The following LDB2 variants were observed in gnomAD, a reference collection of about 807,000 sequenced individuals.
The protein encoded by LDB2 is LIM domain binding 2, also known as LIM domain-binding protein 2.
Under a neutral mutation model 44.3 loss-of-function variants are expected in LDB2, and 12 were observed. The observed-to-expected ratio is 0.27, with a 90% CI of 0.17 to 0.44. LDB2 has a LOEUF of 0.44. LDB2 is among the 20% of genes least tolerant of loss of function. The pLI is 1.00. For missense variants in LDB2, 344 were observed against 473.5 expected, an observed-to-expected ratio of 0.73 and a Z score of 2.54; for synonymous variants, 164 against 174.8, an observed-to-expected ratio of 0.94 and a Z score of 0.49.
chr4:16,708,868 G>T (rs1013382879), intron 2 of LDB2, among the ~76,000 whole-genome samples: 3 of 151,966 alleles, frequency 2.0e-5, no homozygotes, highest in African/African-American at 7.2e-5. Flanking sequence ...CAACACATTG[G>T]CTTTTATTGA....
intron 1 of LDB2, among the ~76,000 whole-genome samples, chr4:16,797,486 TA>T (rs946900364): frequency 1.1e-4 from 17 of 151,970 alleles, no homozygotes; most frequent in African/African-American, 3.9e-4. Context: ...AAAGTCTACT[TA>T]AAAAAAATAA....
chr4:16,883,641 T>A (rs1353715997), intron 1 of LDB2, among the ~76,000 whole-genome samples: 2 of 152,218 alleles, frequency 1.3e-5, no homozygotes, highest in Admixed American at 1.3e-4. Flanking sequence ...TTTCACCGCT[T>A]CTTGCCTTTT....
intron 5 of LDB2, among the ~76,000 whole-genome samples, chr4:16,523,996 T>C (rs1727272763): frequency 6.6e-6 from 1 of 152,194 alleles, no homozygotes; most frequent in African/African-American, 2.4e-5. Context: ...AGGGCTGGGC[T>C]GTATCCTGTG....
At chr4:16,679,978 T>C (rs1388324187) in intron 2 of LDB2, among the ~76,000 whole-genome samples, 1 of 152,196 alleles carries the variant, frequency 6.6e-6, no homozygotes, top group South Asian at 2.1e-4. Context: ...CTGCTATAGA[T>C]GGAATCTTTA....
chr4:16,743,952 C>T (rs73799262), intron 2 of LDB2, among the ~76,000 whole-genome samples: 95 of 152,282 alleles, frequency 6.2e-4, no homozygotes, highest in African/African-American at 2.2e-3. Context: ...AGATTGTCTC[C>T]AATTTTTTAC....
chr4:16,811,400 C>G (rs930696842), intron 1 of LDB2, among the ~76,000 whole-genome samples: 6 of 152,150 alleles, frequency 3.9e-5, no homozygotes, highest in African/African-American at 1.4e-4. Context: ...ATAGAACCAC[C>G]TTTGAATTAT....
chr4:16,748,785 T>A (rs1248423506), intron 2 of LDB2, among the ~76,000 whole-genome samples: 1 of 152,158 alleles, frequency 6.6e-6, no homozygotes, highest in South Asian at 2.1e-4. Flanking sequence ...GTTTAAAAAA[T>A]AGTAATAATG....
chr4:16,851,943 T>C (rs1788348177), intron 1 of LDB2, among the ~76,000 whole-genome samples: 1 of 152,224 alleles, frequency 6.6e-6, no homozygotes, highest in African/African-American at 2.4e-5. Context: ...TGGAGATTAA[T>C]GGCTGCCCAG....
At chr4:16,759,119 A>C (rs940199609) in intron 2 of LDB2, 39 bp downstream of exon 2, 10 of 1,448,642 alleles carry the variant, frequency 6.9e-6, no homozygotes, top group Non-Finnish European at 9.7e-6. Flanking sequence ...TTACAGGCAC[A>C]AAACGAGGTA....
chr4:16,887,259 G>C (rs1228225426), intron 1 of LDB2, among the ~76,000 whole-genome samples: 1 of 151,356 alleles, frequency 6.6e-6, no homozygotes, highest in Admixed American at 6.6e-5. Context: ...AGAAACCTGA[G>C]ATGGCTTATG....
intron 5 of LDB2, among the ~76,000 whole-genome samples, chr4:16,564,953 G>A (rs1743950340): frequency 6.6e-6 from 1 of 152,028 alleles, no homozygotes; most frequent in Admixed American, 6.6e-5. Flanking sequence ...CATATAAGAG[G>A]GAATATCAAC....
chr4:16,789,511 T>C (rs2109575403), intron 1 of LDB2, among the ~76,000 whole-genome samples: 1 of 152,336 alleles, frequency 6.6e-6, no homozygotes, highest in African/African-American at 2.4e-5. Context: ...GTTTGTGATT[T>C]AGTTTTTCAT....
intron 5 of LDB2, among the ~76,000 whole-genome samples, chr4:16,547,003 G>T: frequency 6.6e-6 from 1 of 152,192 alleles, no homozygotes; most frequent in Non-Finnish European, 1.5e-5. Flanking sequence ...ATACACCCAA[G>T]TCCTAACTCT....
intron 2 of LDB2, among the ~76,000 whole-genome samples, chr4:16,739,917 C>T (rs1418057578): frequency 1.3e-5 from 2 of 150,900 alleles, no homozygotes; most frequent in Admixed American, 1.3e-4. Flanking sequence ...ATTAAAGCAA[C>T]TATTTTTAAT....
chr4:16,514,570 A>G (rs1722951471), intron 5 of LDB2, among the ~76,000 whole-genome samples: 1 of 152,196 alleles, frequency 6.6e-6, no homozygotes, highest in Non-Finnish European at 1.5e-5. Context: ...AGTTGTTTGT[A>G]CCTATTACTG....
At chr4:16,535,395 C>A (rs962914715) in intron 5 of LDB2, among the ~76,000 whole-genome samples, 2 of 152,144 alleles carry the variant, frequency 1.3e-5, no homozygotes, top group African/African-American at 4.8e-5. Flanking sequence ...ATGGCGAGGA[C>A]CTCAAGCTTT....
chr4:16,851,145 A>G (rs1788152814), intron 1 of LDB2, among the ~76,000 whole-genome samples: 1 of 151,952 alleles, frequency 6.6e-6, no homozygotes, highest in South Asian at 2.1e-4. Flanking sequence ...CTGATTTTAA[A>G]CCACTGCCAA....
At chr4:16,759,853 A>G (rs1351786136) in intron 1 of LDB2, among the ~76,000 whole-genome samples, 1 of 152,258 alleles carries the variant, frequency 6.6e-6, no homozygotes, top group African/African-American at 2.4e-5. Flanking sequence ...ACAGGCAACC[A>G]CTAGCTTGTT....
chr4:16,547,456 T>A (rs1408076568), intron 5 of LDB2, among the ~76,000 whole-genome samples: 1 of 152,214 alleles, frequency 6.6e-6, no homozygotes, highest in Non-Finnish European at 1.5e-5. Context: ...CTCCTACCTT[T>A]AAGCCCAAAG....
Sources: allele counts gnomAD v4.1 joint callset (sites outside exome capture counted in the v4.1 genomes callset), GRCh38; gene constraint gnomAD v4.1.1; transcripts MANE v1.5; gene names NCBI Gene and HGNC (gene_info 2026-07-23, HGNC 2026-07-21).